AFF4: variants seen among roughly 807,000 people sequenced by gnomAD.
AFF4 encodes ALF transcription elongation factor 4, also known as AF4/FMR2 family member 4.
Under a neutral mutation model 124.8 loss-of-function variants are expected in AFF4, and 13 were observed. The ratio of observed to expected loss-of-function variants is 0.10; its 90% confidence interval spans 0.07 to 0.17. AFF4 has a LOEUF of 0.17. Among genes scored for constraint, AFF4 ranks in the 10% least tolerant of loss-of-function variants. The pLI, the probability that AFF4 is intolerant of heterozygous loss-of-function variation, is 1.00. For synonymous variants in AFF4, 477 were observed against 496.1 expected, an observed-to-expected ratio of 0.96 and a Z score of 0.51; for missense variants, 1,092 against 1,403.8, an observed-to-expected ratio of 0.78 and a Z score of 3.55.
intron 1 of AFF4, among the ~76,000 whole-genome samples, chr5:132,941,541 GC>G (rs1337043206): frequency 2.6e-5 from 4 of 151,898 alleles, no homozygotes; most frequent in African/African-American, 9.7e-5. Flanking sequence ...TCGCAATGTT[GC>G]CCAGGCTGGT....
rs1475372623 is a variant in AFF4 at position 132,897,032 on chromosome 5, G to A, written c.1598C>T (p.Ser533Phe). ...ETSSATPGRDSKTIQKGSESG... is the reference protein window; with the variant it reads ...ETSSATPGRDFKTIQKGSESG... ...TTCTGATCCCTTTTGGATGGTTTTG[G>A]AGTCTCGTCCCGGAGTAGCGGAACT... Residue 533 changes from serine to phenylalanine, a missense_variant, in exon 11 of 21, where the codon TCC (serine) becomes TTC (phenylalanine). Ser to Phe is a radical substitution (Grantham distance 155, BLOSUM62 -2). Around this residue, in one of 11 missense-constraint regions of AFF4, gnomAD observed 174 missense variants for 205.9 expected, o/e 0.84. Transcript: ENST00000265343. The A allele has an allele frequency of 1.2e-6, 2 of 1,614,076 alleles. No individual in the cohort carries two copies. The highest frequency in any genetic ancestry group is 2.7e-5 in the African/African-American group (2 of 74,914).
chr5:132,913,515 C>T (rs1408367656), intron 5 of AFF4, among the ~76,000 whole-genome samples: 2 of 152,190 alleles, frequency 1.3e-5, no homozygotes, highest in African/African-American at 2.4e-5. Flanking sequence ...ATGATCATGG[C>T]TCACTGTAGC....
rs1040227855 is a variant in AFF4 at position 132,877,456 on chromosome 5, A to C, written c.*3603T>G. Reference sequence around the variant, plus strand: ...GATCAATTTAATAAATAATGTGGAAATAGTTGCACTAAGCTAAAATACTAA... The same window carrying C: ...GATCAATTTAATAAATAATGTGGAACTAGTTGCACTAAGCTAAAATACTAA... On this transcript the variant is annotated 3_prime_UTR_variant, in exon 21 of 21. Coordinates refer to ENST00000265343, the MANE Select transcript of AFF4 (RefSeq NM_014423.4). 5 of 215,912 alleles carry C rather than the reference A, an allele frequency of 2.3e-5. No individual in the cohort carries two copies. Among genetic ancestry groups the C allele is most frequent in the Non-Finnish European group, 4.7e-5 (5 of 107,018 alleles). The allele number at this position is 215,912 out of a possible 1,614,324, so 13.4% of individuals were successfully genotyped here. A position where few individuals can be genotyped will look rare whatever the true frequency, so the allele number is the denominator to read the frequency against.
chr5:132,939,866 G>A (rs1051516922), intron 1 of AFF4, among the ~76,000 whole-genome samples: 6 of 152,156 alleles, frequency 3.9e-5, no homozygotes, highest in African/African-American at 1.4e-4. Context: ...TGCCTGCCTT[G>A]GCCTCTCAAA....
intron 1 of AFF4, among the ~76,000 whole-genome samples, chr5:132,952,058 T>C (rs1331154600): frequency 6.6e-6 from 1 of 152,216 alleles, no homozygotes; most frequent in African/African-American, 2.4e-5. Context: ...TAGTTTCCCC[T>C]TTCTCTGCCA....
Position 132,889,155 on chromosome 5 carries a change from A to T in AFF4, c.2656T>A (p.Ser886Thr), listed in dbSNP as rs779261547. The T allele has an allele frequency of 4.2e-5, 68 of 1,613,592 alleles. No homozygotes were observed. The South Asian group carries it at 6.8e-4, about 16-fold the overall frequency. The change falls in exon 14 of 21, where the codon TCC becomes ACC. Residue 886 changes from serine (S) to threonine (T), a missense_variant. This residue lies in a region of AFF4 where 293 missense variants were observed against 280.2 expected (regional missense o/e 1.05). Transcript: ENST00000265343. ...GGTGCAGATGGAGGACAGTTAGAGG[A>T]GCTACTTGGAGCCTTTTCCTGACCA... ...KEVKEKAPSS[S>T]SNCPPSAPTL...
At chr5:132,921,838 T>A (rs1253840978) in intron 5 of AFF4, among the ~76,000 whole-genome samples, 2 of 152,006 alleles carry the variant, frequency 1.3e-5, no homozygotes, top group Admixed American at 1.3e-4. Context: ...TAGAGAGCAG[T>A]GGCATGATCT....
In AFF4 at chr5:132,910,475, A is replaced by G. The variant is rs148031129; in HGVS notation, c.1051-6071T>C. 1.6e-3 allele frequency among the ~76,000 whole-genome samples: 249 copies of G among 152,332 alleles called. 1 individual carries two copies. Among genetic ancestry groups the G allele is most frequent in the African/African-American group, 5.8e-3 (243 of 41,570 alleles). On this transcript the variant is annotated intron_variant, in intron 5 of 20. Transcript: ENST00000265343. Reference sequence around the variant, plus strand: ...GATGCTAACCCCAAATTCCCTAGGTATAACAACTTTCTCCCTTCTCTGTCC... The same window carrying G: ...GATGCTAACCCCAAATTCCCTAGGTGTAACAACTTTCTCCCTTCTCTGTCC...
At chr5:132,928,706 G>A (rs1304312762) in intron 4 of AFF4, among the ~76,000 whole-genome samples, 1 of 152,104 alleles carries the variant, frequency 6.6e-6, no homozygotes, top group Non-Finnish European at 1.5e-5. Flanking sequence ...TTTAACTGTT[G>A]ATATGTAATG....
chr5:132,929,132 T>C (rs1393203536), intron 4 of AFF4, among the ~76,000 whole-genome samples: 1 of 151,762 alleles, frequency 6.6e-6, no homozygotes, highest in Admixed American at 6.6e-5. Context: ...TGACTACAAA[T>C]ACAAAGAAAA....
intron 3 of AFF4, among the ~76,000 whole-genome samples, chr5:132,933,527 A>C (rs1011875975): frequency 6.6e-6 from 1 of 152,184 alleles, no homozygotes; most frequent in African/African-American, 2.4e-5. Context: ...GGGCAACATT[A>C]TGAGACACCC....
At chr5:132,952,917 A>AC (rs1257793882) in intron 1 of AFF4, among the ~76,000 whole-genome samples, 2 of 151,360 alleles carry the variant, frequency 1.3e-5, no homozygotes, top group South Asian at 2.1e-4. Flanking sequence ...ACAAAAAAAA[A>AC]CACAACTCTA....
At chr5:132,950,036 T>TGG (rs994413279) in intron 1 of AFF4, among the ~76,000 whole-genome samples, 4 of 149,552 alleles carry the variant, frequency 2.7e-5, no homozygotes, top group African/African-American at 9.8e-5. Context: ...AATAAACAAA[T>TGG]GAAAATAAAA....
chr5:132,881,498 CA>C (rs1381056597), intron 20 of AFF4, among the ~76,000 whole-genome samples: 1 of 152,128 alleles, frequency 6.6e-6, no homozygotes, highest in Non-Finnish European at 1.5e-5. Flanking sequence ...GATTTAATGC[CA>C]TAATGTGCTA....
chr5:132,955,730 A>T (rs2150113443), intron 1 of AFF4, among the ~76,000 whole-genome samples: 1 of 146,566 alleles, frequency 6.8e-6, no homozygotes, highest in African/African-American at 2.5e-5. Flanking sequence ...GTGAGCCAAG[A>T]TCATGCCACT....
intron 10 of AFF4, among the ~76,000 whole-genome samples, chr5:132,897,519 G>A (rs927868739): frequency 7.2e-5 from 11 of 152,144 alleles, no homozygotes; most frequent in Non-Finnish European, 1.6e-4. Flanking sequence ...AGACCAGTCT[G>A]ACCAACATGG....
chr5:132,906,738 A>T (rs996715138), intron 5 of AFF4, among the ~76,000 whole-genome samples: 1 of 152,198 alleles, frequency 6.6e-6, no homozygotes, highest in Non-Finnish European at 1.5e-5. Context: ...ATCACATCTC[A>T]GTACTGCTGT....
intron 7 of AFF4, among the ~76,000 whole-genome samples, chr5:132,901,373 G>C (rs914425627): frequency 6.6e-6 from 1 of 152,296 alleles, no homozygotes; most frequent in East Asian, 1.9e-4. Flanking sequence ...AGCAGTGAAG[G>C]GGGTACTTCT....
chr5:132,925,980 T>C (rs1307839902), intron 5 of AFF4, among the ~76,000 whole-genome samples: 1 of 152,202 alleles, frequency 6.6e-6, no homozygotes, highest in Non-Finnish European at 1.5e-5. Flanking sequence ...GAAAACTTGC[T>C]ATCAGCTTAA....
Sources: allele counts gnomAD v4.1 joint callset (sites outside exome capture counted in the v4.1 genomes callset), GRCh38; gene constraint gnomAD v4.1.1; regional missense constraint gnomAD v4.1.1; transcripts MANE v1.5; gene names NCBI Gene and HGNC (gene_info 2026-07-23, HGNC 2026-07-21).